The following NAV2 variants were observed in gnomAD, a reference collection of about 807,000 sequenced individuals.
NAV2 encodes neuron navigator 2, also known as helicase, APC down-regulated 1.
In NAV2, 54 loss-of-function variants were observed where a neutral mutation model predicts 223.2. The observed-to-expected ratio is 0.24, with a 90% CI of 0.19 to 0.30. The LOEUF (loss-of-function observed/expected upper bound fraction) is 0.30, where lower values mean the gene tolerates loss of function less well. Among genes scored for constraint, NAV2 ranks in the 10% least tolerant of loss-of-function variants. The pLI, the probability that NAV2 is intolerant of heterozygous loss-of-function variation, is 1.00. For missense variants in NAV2, 2,806 were observed against 3,147.5 expected (o/e 0.89, Z 2.60); for synonymous variants, 1,279 against 1,239.3 (o/e 1.03, Z -0.67).
intron 6 of NAV2, among the ~76,000 whole-genome samples, chr11:19,932,746 A>G (rs1325218203): frequency 6.6e-6 from 1 of 151,988 alleles, no homozygotes; most frequent in Admixed American, 6.6e-5. Flanking sequence ...CTATTTTTGT[A>G]ATTGTTGTAT....
intron 12 of NAV2, among the ~76,000 whole-genome samples, chr11:20,042,948 C>T (rs2057067684): frequency 6.6e-6 from 1 of 152,116 alleles, no homozygotes; most frequent in South Asian, 2.1e-4. Flanking sequence ...ACTTCGGTCC[C>T]CTTCTGGGTT....
At chr11:19,939,591 AG>A in intron 7 of NAV2, 69 bp from the exon 8 acceptor site, 1 of 1,185,292 alleles carries the variant, frequency 8.4e-7, no homozygotes, top group Non-Finnish European at 1.3e-6. Flanking sequence ...GGCTGTGGTT[AG>A]ACCACAGTGG....
rs1466682967 is a variant in NAV2 at position 20,075,344 on chromosome 11, C to T, written c.4984-2208C>T. ...GTTCACGCCATTCTCCTGCCTCAGC[C>T]TCCCGAGTAGCTGGGACTACAGGTG... On this transcript the variant is annotated intron_variant, in intron 22 of 37. Transcript: ENST00000349880. Among the ~76,000 whole-genome samples, 3 of 152,108 alleles carry T rather than the reference C, an allele frequency of 2.0e-5. No individual in the cohort carries two copies. In the East Asian group the frequency reaches 5.8e-4, roughly 29 times the overall value.
At chr11:19,516,255 A>G (rs1157677537) in intron 1 of NAV2, among the ~76,000 whole-genome samples, 1 of 152,246 alleles carries the variant, frequency 6.6e-6, no homozygotes, top group Non-Finnish European at 1.5e-5. Flanking sequence ...GTAAAAGGTG[A>G]CATAGGCCCC....
intron 1 of NAV2, among the ~76,000 whole-genome samples, chr11:19,598,775 C>T (rs1006378309): frequency 2.3e-4 from 35 of 152,148 alleles, no homozygotes; most frequent in African/African-American, 7.2e-4. Context: ...GGTTATCCGG[C>T]CTCTTATGGG....
chr11:19,824,006 A>G (rs779198119), intron 1 of NAV2, among the ~76,000 whole-genome samples: 3 of 152,220 alleles, frequency 2.0e-5, no homozygotes, highest in Non-Finnish European at 4.4e-5. Flanking sequence ...TCCCAGTGGA[A>G]TTGTTTAAAA....
chr11:19,502,991 G>A (rs1564992619), intron 1 of NAV2: 2 of 152,284 alleles, frequency 1.3e-5, no homozygotes, highest in South Asian at 4.2e-4. Flanking sequence ...CTTCGCCTCT[G>A]GATTGGAAGA....
intron 1 of NAV2, among the ~76,000 whole-genome samples, chr11:19,743,057 G>A (rs1590262128): frequency 6.6e-6 from 1 of 152,262 alleles, no homozygotes; most frequent in South Asian, 2.1e-4. Context: ...TTAGGAGAAA[G>A]AGCACTGTGA....
chr11:19,690,120 G>A (rs367910456), intron 1 of NAV2, among the ~76,000 whole-genome samples: 3 of 152,082 alleles, frequency 2.0e-5, no homozygotes, highest in Non-Finnish European at 2.9e-5. Flanking sequence ...ACACCAACAC[G>A]GCCGGCTAAT....
intron 1 of NAV2, among the ~76,000 whole-genome samples, chr11:19,442,256 AG>A (rs1163717292): frequency 6.6e-6 from 1 of 152,226 alleles, no homozygotes; most frequent in African/African-American, 2.4e-5. Context: ...GGTTGAGGAA[AG>A]GGGGCTGGCC....
At chr11:19,588,481 G>T (rs1006587926) in intron 1 of NAV2, among the ~76,000 whole-genome samples, 2 of 152,152 alleles carry the variant, frequency 1.3e-5, no homozygotes, top group Admixed American at 6.5e-5. Context: ...TGCTGTGATT[G>T]ATTAGTAATG....
chr11:20,110,916 T>G (rs2062577270), intron 36 of NAV2, among the ~76,000 whole-genome samples: 1 of 152,142 alleles, frequency 6.6e-6, no homozygotes, highest in Non-Finnish European at 1.5e-5. Context: ...AGGGCTACCG[T>G]GCACCAGGAG....
intron 26 of NAV2, among the ~76,000 whole-genome samples, chr11:20,089,786 C>T (rs2060701667): frequency 6.6e-6 from 1 of 152,178 alleles, no homozygotes; most frequent in Non-Finnish European, 1.5e-5. Flanking sequence ...TGATCTTCTA[C>T]TTTGTGCTGA....
At chr11:19,352,640 A>G (rs1239507487) in intron 1 of NAV2, among the ~76,000 whole-genome samples, 2 of 152,206 alleles carry the variant, frequency 1.3e-5, no homozygotes, top group Non-Finnish European at 2.9e-5. Context: ...TAAATTTATA[A>G]TGATATATGT....
chr11:19,361,678 T>A (rs907152193), intron 1 of NAV2, among the ~76,000 whole-genome samples: 1 of 152,122 alleles, frequency 6.6e-6, no homozygotes, highest in Non-Finnish European at 1.5e-5. Context: ...GTGAGCTCTC[T>A]TTTCTGGTGG....
At chr11:19,876,003 C>T (rs1005996902) in intron 4 of NAV2, among the ~76,000 whole-genome samples, 2 of 151,996 alleles carry the variant, frequency 1.3e-5, no homozygotes, top group African/African-American at 2.4e-5. Flanking sequence ...ATCCTAGGTG[C>T]ACTCAGTTTC....
chr11:20,054,185 C>T lies in NAV2; in HGVS notation c.4587C>T (p.Ser1529=), dbSNP rs2058214237. 1.2e-6 allele frequency: 2 copies of T among 1,613,578 alleles called. No individual in the cohort carries two copies. Among genetic ancestry groups the T allele is most frequent in the South Asian group, 1.1e-5 (1 of 90,896 alleles). ...LQDTAANSPF[S]SGSSVTSPSG... ...ACACCGCTGCCAATTCCCCCTTTTC[C>T]TCTGGCTCCAGCGTGACTTCTCCCT... The change falls in exon 18 of 38, where the codon TCC becomes TCT. Residue 1529 remains serine, a synonymous_variant. Coordinates refer to ENST00000349880, the MANE Select transcript of NAV2 (RefSeq NM_145117.5).
At chr11:19,863,291 G>A (rs1305588215) in intron 3 of NAV2, among the ~76,000 whole-genome samples, 1 of 152,132 alleles carries the variant, frequency 6.6e-6, no homozygotes, top group African/African-American at 2.4e-5. Context: ...ATCTACTCTT[G>A]TCAAGGGACC....
At chr11:20,061,451 C>T (rs2058697044) in intron 19 of NAV2, among the ~76,000 whole-genome samples, 1 of 151,954 alleles carries the variant, frequency 6.6e-6, no homozygotes, top group South Asian at 2.1e-4. Context: ...CGCCTATAAT[C>T]CCAGCTACTC....
Sources: gnomAD v4.1 joint callset for allele counts (sites outside exome capture counted in the v4.1 genomes callset) on GRCh38, gnomAD v4.1.1 for gene constraint, MANE v1.5 for transcripts, NCBI Gene and HGNC (gene_info 2026-07-23, HGNC 2026-07-21) for gene names.